ADAM18: variants seen among roughly 807,000 people sequenced by gnomAD.
ADAM18 encodes ADAM metallopeptidase domain 18.
ADAM18 carries 117 observed loss-of-function variants against 94.4 expected under a neutral mutation model. The ratio of observed to expected loss-of-function variants is 1.24; its 90% confidence interval spans 1.07 to 1.45. ADAM18 has a LOEUF of 1.45. Among genes scored for constraint, ADAM18 ranks in the 40% most tolerant of loss-of-function variants. The pLI, the probability that ADAM18 is intolerant of heterozygous loss-of-function variation, is 0.00. For missense variants in ADAM18, 936 were observed against 880.0 expected (o/e 1.06, Z -0.81); for synonymous variants, 327 against 291.6 (o/e 1.12, Z -1.24).
intron 19 of ADAM18, among the ~76,000 whole-genome samples, chr8:39,728,732 G>A (rs1822991159): frequency 6.6e-6 from 1 of 152,096 alleles, no homozygotes; most frequent in African/African-American, 2.4e-5. Context: ...TGTTTAGAAG[G>A]AAGTGTGGAA....
chr8:39,704,521 T>C (rs1221372165), intron 17 of ADAM18, among the ~76,000 whole-genome samples: 1 of 152,116 alleles, frequency 6.6e-6, no homozygotes, highest in African/African-American at 2.4e-5. Flanking sequence ...TTAAATTTTT[T>C]ATAAATCATT....
At chr8:39,650,986 G>T (rs77663729) in intron 12 of ADAM18, among the ~76,000 whole-genome samples, 1 of 152,170 alleles carries the variant, frequency 6.6e-6, no homozygotes, top group African/African-American at 2.4e-5. Context: ...GATCATTATC[G>T]GGCGTTTCTC....
chr8:39,724,532 T>C (rs1822847284), intron 19 of ADAM18, among the ~76,000 whole-genome samples: 1 of 151,876 alleles, frequency 6.6e-6, no homozygotes, highest in Non-Finnish European at 1.5e-5. Flanking sequence ...TAATTATTTT[T>C]TGCTAGTGTT....
intron 7 of ADAM18, among the ~76,000 whole-genome samples, chr8:39,631,786 A>G (rs962032113): frequency 1.3e-5 from 2 of 152,048 alleles, no homozygotes; most frequent in African/African-American, 4.8e-5. Context: ...ATATTGAGTC[A>G]TCCAATCTCT....
intron 19 of ADAM18, among the ~76,000 whole-genome samples, chr8:39,725,101 T>C (rs980768132): frequency 6.6e-6 from 1 of 152,060 alleles, no homozygotes; most frequent in African/African-American, 2.4e-5. Flanking sequence ...GTCAAGGTGG[T>C]TGATGGTATC....
At chr8:39,589,130 G>A (rs898354641) in intron 2 of ADAM18, among the ~76,000 whole-genome samples, 16 of 152,122 alleles carry the variant, frequency 1.1e-4, no homozygotes, top group African/African-American at 3.9e-4. Flanking sequence ...TTGTCTTGAT[G>A]CATAATTGTC....
intron 18 of ADAM18, among the ~76,000 whole-genome samples, chr8:39,710,232 T>A (rs1822357546): frequency 6.6e-6 from 1 of 152,202 alleles, no homozygotes; most frequent in Non-Finnish European, 1.5e-5. Context: ...TTTTTGGCTG[T>A]GACAGAATAA....
At chr8:39,697,781 TATA>T (rs1326560344) in intron 17 of ADAM18, among the ~76,000 whole-genome samples, 7 of 151,780 alleles carry the variant, frequency 4.6e-5, no homozygotes, top group South Asian at 4.1e-4. Context: ...GTTTAAAAAA[TATA>T]ATCTGTTTTA....
chr8:39,722,213 G>A (rs901582604), intron 18 of ADAM18, among the ~76,000 whole-genome samples: 36 of 73,388 alleles, frequency 4.9e-4, no homozygotes, highest in African/African-American at 2.6e-3. Context: ...GTGTGTGTGT[G>A]TGTGTATATA....
chr8:39,664,815 T>C (rs1294032302), intron 13 of ADAM18, among the ~76,000 whole-genome samples: 3 of 152,178 alleles, frequency 2.0e-5, no homozygotes, highest in Non-Finnish European at 4.4e-5. Context: ...TGCAGTAATA[T>C]AGTATTATGT....
chr8:39,710,091 A>G (rs1056128136), intron 18 of ADAM18, among the ~76,000 whole-genome samples: 3 of 152,230 alleles, frequency 2.0e-5, no homozygotes, highest in Non-Finnish European at 4.4e-5. Context: ...ATGGGATGAT[A>G]CAGTTGTGTA....
intron 16 of ADAM18, 45 bp downstream of exon 16, chr8:39,680,271 G>T (rs2129580553): frequency 6.5e-7 from 1 of 1,528,888 alleles, no homozygotes; most frequent in South Asian, 1.2e-5. Context: ...TAAATTATGT[G>T]AATTATCAGA....
chr8:39,626,567 C>T (rs914761794), intron 6 of ADAM18, among the ~76,000 whole-genome samples: 4 of 151,866 alleles, frequency 2.6e-5, no homozygotes, highest in African/African-American at 9.7e-5. Flanking sequence ...CTCAGCGCTG[C>T]ATTTGCTGTA....
intron 13 of ADAM18, among the ~76,000 whole-genome samples, chr8:39,667,543 A>T (rs994545308): frequency 1.7e-4 from 26 of 152,198 alleles, no homozygotes; most frequent in African/African-American, 5.5e-4. Context: ...TTTGTCTTTT[A>T]TTCCAAGCTT....
At chr8:39,726,409 G>A (rs898241409) in intron 19 of ADAM18, among the ~76,000 whole-genome samples, 2 of 151,992 alleles carry the variant, frequency 1.3e-5, no homozygotes, top group Non-Finnish European at 1.5e-5. Context: ...TTACTGGCAT[G>A]AGCCATGGTG....
At chr8:39,645,915 TGCATGAGAG>T (rs1820362961) in intron 11 of ADAM18, among the ~76,000 whole-genome samples, 2 of 152,174 alleles carry the variant, frequency 1.3e-5, no homozygotes, top group Non-Finnish European at 2.9e-5. Flanking sequence ...TGTAGCTTTT[TGCATGAGAG>T]TGTCTTGCAA....
chr8:39,633,467 G>C (rs1367331261), intron 7 of ADAM18, among the ~76,000 whole-genome samples: 4 of 152,168 alleles, frequency 2.6e-5, no homozygotes, highest in Non-Finnish European at 4.4e-5. Context: ...AATTACTTAA[G>C]TGGTCATGAA....
chr8:39,617,526 A>T (rs1009995548), intron 6 of ADAM18, among the ~76,000 whole-genome samples: 1 of 152,170 alleles, frequency 6.6e-6, no homozygotes, highest in African/African-American at 2.4e-5. Flanking sequence ...CACCATAAAA[A>T]CACATGCACA....
chr8:39,674,577 T>A (rs1420893523), intron 14 of ADAM18, among the ~76,000 whole-genome samples: 1 of 152,192 alleles, frequency 6.6e-6, no homozygotes, highest in African/African-American at 2.4e-5. Flanking sequence ...CTTTATCCAA[T>A]TTGCCAGTCT....
Sources: gnomAD v4.1 joint callset for allele counts (sites outside exome capture counted in the v4.1 genomes callset) on GRCh38, gnomAD v4.1.1 for gene constraint, MANE v1.5 for transcripts, NCBI Gene and HGNC (gene_info 2026-07-23, HGNC 2026-07-21) for gene names.